EYA4: variants seen among roughly 807,000 people sequenced by gnomAD.
EYA4 encodes EYA transcriptional coactivator and phosphatase 4.
A neutral mutation model predicts 87.9 loss-of-function variants in EYA4; 31 were observed. That is an observed-to-expected ratio of 0.35 (90% CI 0.27 to 0.48). EYA4 has a LOEUF of 0.48. EYA4 is among the 20% of genes least tolerant of loss of function. The probability of loss-of-function intolerance (pLI) is 0.99; values close to 1 mark genes in which losing one functional copy is unlikely to be tolerated. For missense variants in EYA4, 678 were observed against 761.4 expected (o/e 0.89, Z 1.29); for synonymous variants, 263 against 270.6 (o/e 0.97, Z 0.28).
chr6:133,277,365 A>G (rs1777261973), intron 2 of EYA4, among the ~76,000 whole-genome samples: 1 of 152,210 alleles, frequency 6.6e-6, no homozygotes, highest in East Asian at 1.9e-4. Context: ...CAAAACTTTT[A>G]ATGGATTTTG....
chr6:133,351,754 G>T (rs557529006), intron 2 of EYA4, among the ~76,000 whole-genome samples: 1 of 152,174 alleles, frequency 6.6e-6, no homozygotes, highest in Non-Finnish European at 1.5e-5. Context: ...GGTCATGAAT[G>T]ATGTTGAGAA....
At chr6:133,418,679 C>G (rs1789960804) in intron 3 of EYA4, among the ~76,000 whole-genome samples, 1 of 152,158 alleles carries the variant, frequency 6.6e-6, no homozygotes. Flanking sequence ...TTTTGTGCAA[C>G]ATGAGTGCTT....
At chr6:133,310,131 G>A (rs1780109659) in intron 2 of EYA4, among the ~76,000 whole-genome samples, 1 of 152,148 alleles carries the variant, frequency 6.6e-6, no homozygotes, top group Non-Finnish European at 1.5e-5. Context: ...AATTTAACGT[G>A]AAAGCACTGG....
intron 2 of EYA4, chr6:133,363,410 G>A (rs1784601199): frequency 6.6e-6 from 1 of 152,122 alleles, no homozygotes; most frequent in South Asian, 2.1e-4. Flanking sequence ...GTTGAAACAG[G>A]TATATTCCTT....
chr6:133,259,932 AT>A (rs1432337787), intron 1 of EYA4, among the ~76,000 whole-genome samples: 3 of 152,156 alleles, frequency 2.0e-5, no homozygotes, highest in Non-Finnish European at 4.4e-5. Flanking sequence ...ACTTCTTGAG[AT>A]TTACCAGATT....
intron 1 of EYA4, among the ~76,000 whole-genome samples, chr6:133,263,535 C>T (rs531650433): frequency 2.0e-5 from 3 of 152,284 alleles, no homozygotes; most frequent in Non-Finnish European, 2.9e-5. Context: ...TTCCCAGACT[C>T]ATATCCTAAG....
At position 133,293,988 on chromosome 6, in the gene EYA4, A is replaced by ATG. The variant is rs1399745326; in HGVS notation, c.33+19176_33+19177insGT. Among the ~76,000 whole-genome samples, 41 of 131,568 alleles carry ATG rather than the reference A, an allele frequency of 3.1e-4. 2 individuals are homozygous for ATG. Among genetic ancestry groups the ATG allele is most frequent in the Non-Finnish European group, 5.6e-4 (35 of 63,050 alleles). 86.3% of individuals were successfully genotyped at this position (131,568 alleles called of 152,430 possible). A position where few individuals can be genotyped will look rare whatever the true frequency, so the allele number is the denominator to read the frequency against. On this transcript the variant is annotated intron_variant, in intron 2 of 19. Transcript: ENST00000355286. ...ATTATTTTACATATATATATTACAT[A>ATG]TATATATAAAATTCCTGTGCTCCCT...
At chr6:133,504,068 C>T (rs1798378033) in intron 13 of EYA4, among the ~76,000 whole-genome samples, 1 of 152,146 alleles carries the variant, frequency 6.6e-6, no homozygotes, top group African/African-American at 2.4e-5. Context: ...CAAGCACACA[C>T]CACTGTGTCC....
intron 13 of EYA4, among the ~76,000 whole-genome samples, chr6:133,486,508 A>G (rs565563449): frequency 6.6e-6 from 1 of 152,286 alleles, no homozygotes; most frequent in South Asian, 2.1e-4. Flanking sequence ...ATCAATAGAC[A>G]TGCTTCTTGC....
At chr6:133,437,026 C>T (rs1007405822) in intron 3 of EYA4, among the ~76,000 whole-genome samples, 2 of 152,102 alleles carry the variant, frequency 1.3e-5, no homozygotes, top group Non-Finnish European at 2.9e-5. Context: ...AAAAAATCCC[C>T]AGAAACTAGT....
chr6:133,435,644 G>C (rs544767711), intron 3 of EYA4: 1 of 152,074 alleles, frequency 6.6e-6, no homozygotes, highest in African/African-American at 2.4e-5. Flanking sequence ...GAAATATGTC[G>C]GTTTAACATG....
chr6:133,486,275 C>T (rs925220934), intron 13 of EYA4, among the ~76,000 whole-genome samples: 4 of 151,752 alleles, frequency 2.6e-5, no homozygotes, highest in Admixed American at 6.6e-5. Context: ...TTCAGAAAAT[C>T]GGCACTGCCT....
intron 14 of EYA4, among the ~76,000 whole-genome samples, chr6:133,506,659 TA>T (rs1320304287): frequency 1.3e-5 from 2 of 152,240 alleles, no homozygotes; most frequent in Non-Finnish European, 2.9e-5. Context: ...AAAACAGTGC[TA>T]GAACTATTTA....
intron 3 of EYA4, among the ~76,000 whole-genome samples, chr6:133,429,886 A>G (rs1791030190): frequency 6.6e-6 from 1 of 152,212 alleles, no homozygotes; most frequent in Non-Finnish European, 1.5e-5. Flanking sequence ...TTCAACTTTT[A>G]GAATCACAAG....
intron 1 of EYA4, among the ~76,000 whole-genome samples, chr6:133,243,857 CAG>C (rs1235225561): frequency 6.6e-6 from 1 of 152,054 alleles, no homozygotes; most frequent in Non-Finnish European, 1.5e-5. Flanking sequence ...TAACAAGAGA[CAG>C]ATTGTTTTGT....
At chr6:133,390,254 G>T (rs1454380646) in intron 3 of EYA4, among the ~76,000 whole-genome samples, 1 of 152,026 alleles carries the variant, frequency 6.6e-6, no homozygotes, top group Non-Finnish European at 1.5e-5. Context: ...GACTTTCGCT[G>T]TGTCACCCAG....
chr6:133,476,320 G>A (rs1031644023), intron 11 of EYA4, among the ~76,000 whole-genome samples: 3 of 151,970 alleles, frequency 2.0e-5, no homozygotes, highest in Admixed American at 2.0e-4. Context: ...ACTACGTATA[G>A]TAACATGTTG....
chr6:133,362,803 G>C (rs147052083), intron 2 of EYA4, among the ~76,000 whole-genome samples: 1,849 of 152,254 alleles, frequency 0.012, 38 homozygotes, highest in African/African-American at 0.043. Flanking sequence ...TACTAACATA[G>C]AACTGTTCTC....
intron 3 of EYA4, among the ~76,000 whole-genome samples, chr6:133,433,286 C>T (rs555716255): frequency 1.6e-4 from 25 of 152,252 alleles, no homozygotes; most frequent in Non-Finnish European, 3.5e-4. Flanking sequence ...TCTTTTGTGA[C>T]AGCAGTACCA....
Sources: allele counts gnomAD v4.1 joint callset (sites outside exome capture counted in the v4.1 genomes callset), GRCh38; gene constraint gnomAD v4.1.1; transcripts MANE v1.5; gene names NCBI Gene and HGNC (gene_info 2026-07-23, HGNC 2026-07-21).